PSG9: variants seen among roughly 807,000 people sequenced by gnomAD.
PSG9 encodes the protein pregnancy-specific beta-1-glycoprotein 9.
PSG9 carries 49 observed loss-of-function variants against 41.9 expected under a neutral mutation model. The ratio of observed to expected loss-of-function variants is 1.17; its 90% CI spans 0.93 to 1.48. PSG9 has a LOEUF of 1.48. PSG9 is among the 40% of genes most tolerant of loss of function. The pLI is 0.00. For synonymous variants in PSG9, 263 were observed against 196.8 expected (o/e 1.34, Z -2.82); for missense variants, 641 against 520.3 (o/e 1.23, Z -2.26).
chr19:43,258,540 T>A, intron 4 of PSG9, 84 bp from the exon 5 acceptor site: 1 of 1,495,968 alleles, frequency 6.7e-7, no homozygotes, highest in Non-Finnish European at 8.8e-7. Context: ...ACAGTGACCC[T>A]CTGAGCCAAG....
chr19:43,265,509 C>G (rs1404611052), intron 2 of PSG9, among the ~76,000 whole-genome samples: 1 of 152,012 alleles, frequency 6.6e-6, no homozygotes, highest in Non-Finnish European at 1.5e-5. Context: ...CATTTCCCTC[C>G]GGCCGCATGA....
In PSG9 at chr19:43,267,775, ATCAC is replaced by A; in HGVS notation, c.430+5_430+8del. The stretch of plus-strand genomic sequence containing the variant: ...CCCCAACACCCAGGGATCATGTGGA[ATCAC>A]TCACAGTATAAGGTGAAGGTGAAAT... On this transcript the variant is annotated splice_donor_5th_base_variant and intron_variant, in intron 2 of 5. Transcript: ENST00000270077. The A allele has an allele frequency of 1.2e-6, 2 of 1,612,642 alleles. No individual in the cohort carries two copies. The highest frequency in any genetic ancestry group is 1.7e-6 in the Non-Finnish European group (2 of 1,179,174).
At chr19:43,262,527 CT>C (rs1968775991) in intron 2 of PSG9, among the ~76,000 whole-genome samples, 1 of 152,168 alleles carries the variant, frequency 6.6e-6, no homozygotes, top group Non-Finnish European at 1.5e-5. Context: ...ACTTTGCCCC[CT>C]GAGGTATGTT....
At chr19:43,263,789 G>A (rs911688250) in intron 2 of PSG9, among the ~76,000 whole-genome samples, 10 of 152,054 alleles carry the variant, frequency 6.6e-5, no homozygotes, top group Admixed American at 3.3e-4. Flanking sequence ...GAAATTAGCA[G>A]CTCCTTAAGT....
chr19:43,262,665 G>A (rs917590881), intron 2 of PSG9, among the ~76,000 whole-genome samples: 2 of 152,150 alleles, frequency 1.3e-5, no homozygotes, highest in African/African-American at 4.8e-5. Flanking sequence ...ATAACACAGG[G>A]GAGACCAGAG....
Position 43,268,271 on chromosome 19 carries a change from TACAA to T in PSG9, c.65-126_65-123del, listed in dbSNP as rs977231769. 2.6e-5 allele frequency: 36 copies of T among 1,371,366 alleles called. 1 individual carries two copies. The African/African-American group carries it at 4.4e-4, about 17-fold the overall frequency. The allele number at this position is 1,371,366 out of a possible 1,614,324, so 84.9% of individuals were successfully genotyped here. A position where few individuals can be genotyped will look rare whatever the true frequency, so the allele number is the denominator to read the frequency against. ...CCTTGAAGATACACACACGCACACATACAAACAAACACACACAAAAAACGGGCAT... is the reference window on the plus strand; with the variant it reads ...CCTTGAAGATACACACACGCACACATACAAACACACACAAAAAACGGGCAT... On this transcript the variant is annotated intron_variant, in intron 1 of 5. Transcript: ENST00000270077.
chr19:43,257,726 C>T (rs1435473345), intron 5 of PSG9: 3 of 1,177,836 alleles, frequency 2.5e-6, no homozygotes, highest in African/African-American at 1.7e-5. Context: ...CGGAGCAGAG[C>T]AGGAAGCAGA....
At chr19:43,257,619 A>G (rs1968493388) in intron 5 of PSG9, 1 of 998,338 alleles carries the variant, frequency 1.0e-6, no homozygotes, top group Non-Finnish European at 1.2e-6. Context: ...TGGCAGCTCA[A>G]TTTAGCCAAA....
intron 2 of PSG9, among the ~76,000 whole-genome samples, chr19:43,264,947 A>C (rs1035456920): frequency 1.3e-5 from 2 of 152,124 alleles, no homozygotes; most frequent in Non-Finnish European, 2.9e-5. Context: ...AAATGAGTCC[A>C]TGTGCTTTGG....
At chr19:43,268,223 G>T in intron 1 of PSG9, 74 bp from the exon 2 acceptor site, 2 of 1,488,068 alleles carry the variant, frequency 1.3e-6, no homozygotes, top group South Asian at 1.3e-5. Context: ...CCTGGGTCCT[G>T]AGAAGGTCTC....
chr19:43,261,166 C>T (rs1974005321), intron 3 of PSG9, among the ~76,000 whole-genome samples: 1 of 152,114 alleles, frequency 6.6e-6, no homozygotes, highest in Non-Finnish European at 1.5e-5. Context: ...AGATAGACTT[C>T]ACTGGAAAAC....
chr19:43,259,496 C>A, intron 3 of PSG9: 1 of 279,742 alleles, frequency 3.6e-6, no homozygotes, highest in South Asian at 8.0e-5. Flanking sequence ...ACTGCTGGGC[C>A]CCTTCCAAAT....
rs562466424 is a variant in PSG9 at position 43,261,410 on chromosome 19, C to T, written c.709+450G>A. Among the ~76,000 whole-genome samples, 5 of 152,228 alleles carry T rather than the reference C, an allele frequency of 3.3e-5. No homozygotes were observed. In the East Asian group the frequency reaches 9.7e-4, roughly 29 times the overall value. ...AGGCAGGAGAGATTGGGGAATTCCCCTGTATGGTAATAGATGTATGAGGAA... is the reference window on the plus strand; with the variant it reads ...AGGCAGGAGAGATTGGGGAATTCCCTTGTATGGTAATAGATGTATGAGGAA... On this transcript the variant is annotated intron_variant, in intron 3 of 5. Transcript: ENST00000270077.
intron 2 of PSG9, among the ~76,000 whole-genome samples, chr19:43,263,821 A>G (rs761803647): frequency 5.3e-5 from 8 of 152,076 alleles, no homozygotes; most frequent in Non-Finnish European, 1.0e-4. Context: ...CGTTAAAAGG[A>G]CCGAACTGGT....
At chr19:43,269,279 T>C in intron 1 of PSG9, 89 bp downstream of exon 1, 1 of 1,600,532 alleles carries the variant, frequency 6.2e-7, no homozygotes, top group Non-Finnish European at 8.5e-7. Flanking sequence ...GCTGGCTTCT[T>C]TTATTTTACA....
rs527502595 is a variant in PSG9, at chr19:43,258,983, G to A, written c.862C>T (p.Arg288Ter). The A allele has an allele frequency of 3.1e-5, 49 of 1,590,434 alleles. 4 individuals are homozygous for A. The highest frequency in any genetic ancestry group is 6.8e-5 in the Admixed American group (4 of 58,624). The change falls in exon 4 of 6, where the codon CGA becomes TGA. Residue 288 changes from arginine to a stop codon, truncating the protein, a stop_gained. Transcript: ENST00000270077. LOFTEE classifies it high-confidence loss of function. The part of the protein sequence containing the change: ...QSLPVSPGVK[R>*]PIENRILILP... ...ATGAGTATCCTGTTTTCAATGGGTC[G>A]CTTTACCCCGGGACTGACGGGGAGG...
chr19:43,265,964 T>G (rs1352021406), intron 2 of PSG9, among the ~76,000 whole-genome samples: 3 of 151,876 alleles, frequency 2.0e-5, no homozygotes, highest in Non-Finnish European at 4.4e-5. Context: ...GGCCACAGTG[T>G]TAGTAGGAAG....
chr19:43,260,496 T>A (rs1167993243), intron 3 of PSG9: 1 of 148,052 alleles, frequency 6.8e-6, no homozygotes, highest in Non-Finnish European at 1.5e-5. Context: ...TTCTTGCCCT[T>A]TTTTTTTCTC....
chr19:43,263,926 AT>A (rs1968845758), intron 2 of PSG9, among the ~76,000 whole-genome samples: 1 of 152,162 alleles, frequency 6.6e-6, no homozygotes, highest in Non-Finnish European at 1.5e-5. Flanking sequence ...CCTGCTTCTA[AT>A]TTCTGTGCAG....
Sources: gnomAD v4.1 joint callset for allele counts (sites outside exome capture counted in the v4.1 genomes callset) on GRCh38, gnomAD v4.1.1 for gene constraint, MANE v1.5 for transcripts, NCBI Gene and HGNC (gene_info 2026-07-23, HGNC 2026-07-21) for gene names.